NFIA: variants seen among roughly 807,000 people sequenced by gnomAD.
NFIA encodes nuclear factor 1 A-type.
A neutral mutation model predicts 62.8 loss-of-function variants in NFIA; 8 were observed. The ratio of observed to expected loss-of-function variants is 0.13; its 90% CI spans 0.07 to 0.23. NFIA has a LOEUF of 0.23. NFIA is among the 10% of genes least tolerant of loss of function. NFIA has a pLI of 1.00. For synonymous variants in NFIA, 235 were observed against 238.1 expected (o/e 0.99, Z 0.12); for missense variants, 410 against 642.1 (o/e 0.64, Z 3.91).
At chr1:61,182,666 C>T (rs573831558) in intron 2 of NFIA, among the ~76,000 whole-genome samples, 1 of 152,152 alleles carries the variant, frequency 6.6e-6, no homozygotes, top group East Asian at 1.9e-4. Context: ...CTTGCTTTAC[C>T]TAAGTTATTG....
intron 2 of NFIA, among the ~76,000 whole-genome samples, chr1:61,262,524 A>G (rs960312393): frequency 1.3e-5 from 2 of 152,248 alleles, no homozygotes; most frequent in Non-Finnish European, 2.9e-5. Flanking sequence ...GGAAGAATGT[A>G]TATCTACAAT....
chr1:61,372,466 A>T lies in NFIA; in HGVS notation c.947-10771A>T, dbSNP rs148767474. ...GAAACAGCCTGCTAATCCCTCTTAG[A>T]TAAGTATTTAACATAATTAGACAGA... On this transcript the variant is annotated intron_variant, in intron 6 of 10. Transcript: ENST00000403491. Among the ~76,000 whole-genome samples the T allele has an allele frequency of 4.4e-3, 665 of 152,162 alleles. 17 individuals are homozygous for T. The highest frequency in any genetic ancestry group is 0.04 in the Admixed American group (617 of 15,264).
At chr1:61,152,316 G>C (rs1048478932) in intron 2 of NFIA, among the ~76,000 whole-genome samples, 1 of 152,104 alleles carries the variant, frequency 6.6e-6, no homozygotes, top group Non-Finnish European at 1.5e-5. Context: ...ATCATTCACT[G>C]CCTGAAATCC....
intron 2 of NFIA, among the ~76,000 whole-genome samples, chr1:61,232,967 A>T (rs553793065): frequency 2.6e-5 from 4 of 151,586 alleles, no homozygotes; most frequent in Non-Finnish European, 5.9e-5. Flanking sequence ...GGTTTGTTCT[A>T]TTTTTTTCTC....
intron 3 of NFIA, among the ~76,000 whole-genome samples, chr1:61,313,912 A>G (rs985300162): frequency 4.6e-5 from 7 of 152,198 alleles, no homozygotes; most frequent in Admixed American, 2.0e-4. Flanking sequence ...TGTCTGTGTG[A>G]CCTTAGACTG....
At chr1:61,133,999 G>A (rs1647129977) in intron 2 of NFIA, among the ~76,000 whole-genome samples, 1 of 152,166 alleles carries the variant, frequency 6.6e-6, no homozygotes, top group Admixed American at 6.5e-5. Flanking sequence ...GGTGGTGCAT[G>A]CCTGTAATCC....
intron 3 of NFIA, among the ~76,000 whole-genome samples, chr1:61,281,560 G>C (rs980626287): frequency 2.0e-5 from 3 of 152,148 alleles, no homozygotes; most frequent in African/African-American, 7.2e-5. Context: ...TCCCCATGGT[G>C]CCACGTCTGT....
At chr1:61,360,209 A>G (rs1663209040) in intron 6 of NFIA, among the ~76,000 whole-genome samples, 1 of 152,210 alleles carries the variant, frequency 6.6e-6, no homozygotes, top group Non-Finnish European at 1.5e-5. Context: ...CTTGGGAGTA[A>G]TATGGATAAG....
chr1:61,135,310 G>A (rs1398161038), intron 2 of NFIA, among the ~76,000 whole-genome samples: 4 of 152,198 alleles, frequency 2.6e-5, no homozygotes, highest in African/African-American at 4.8e-5. Context: ...TTGCAAGGTC[G>A]TGCTACTGGG....
intron 2 of NFIA, among the ~76,000 whole-genome samples, chr1:61,099,801 A>G (rs1260821911): frequency 6.6e-6 from 1 of 152,174 alleles, no homozygotes; most frequent in Non-Finnish European, 1.5e-5. Flanking sequence ...TATTTAAATT[A>G]TCTTTTCTTA....
intron 7 of NFIA, among the ~76,000 whole-genome samples, chr1:61,391,340 C>T (rs1664966542): frequency 6.6e-6 from 1 of 151,836 alleles, no homozygotes; most frequent in Non-Finnish European, 1.5e-5. Flanking sequence ...GGGATTACAA[C>T]AGCAAATAAG....
chr1:61,349,363 A>C (rs1256307297), intron 4 of NFIA, among the ~76,000 whole-genome samples: 1 of 152,108 alleles, frequency 6.6e-6, no homozygotes, highest in Non-Finnish European at 1.5e-5. Flanking sequence ...GTTGTGATTA[A>C]GGTTTATTCA....
intron 6 of NFIA, among the ~76,000 whole-genome samples, chr1:61,370,018 A>G (rs1258778511): frequency 6.6e-6 from 1 of 152,156 alleles, no homozygotes; most frequent in Non-Finnish European, 1.5e-5. Context: ...GTTTGTTAAC[A>G]CTCCAGAATA....
chr1:61,188,203 C>CG (rs1233650152), intron 2 of NFIA, among the ~76,000 whole-genome samples: 1 of 151,938 alleles, frequency 6.6e-6, no homozygotes, highest in African/African-American at 2.4e-5. Context: ...CGCGCCCCCA[C>CG]GCCAGCTAAT....
chr1:61,422,387 G>A (rs762456370), intron 9 of NFIA, among the ~76,000 whole-genome samples: 1 of 152,094 alleles, frequency 6.6e-6, no homozygotes, highest in African/African-American at 2.4e-5. Context: ...GTTTGACCAC[G>A]TTTTCAACAC....
intron 2 of NFIA, among the ~76,000 whole-genome samples, chr1:61,195,393 A>G (rs1296836321): frequency 6.6e-6 from 1 of 152,148 alleles, no homozygotes; most frequent in Non-Finnish European, 1.5e-5. Flanking sequence ...GAAGTCTTTC[A>G]CCTAAACCTT....
chr1:61,132,869 G>T (rs1647105399), intron 2 of NFIA: 1 of 152,190 alleles, frequency 6.6e-6, no homozygotes, highest in African/African-American at 2.4e-5. Context: ...CTCTTGGCAA[G>T]CAACTCCCTA....
In NFIA at chr1:61,082,665, TCC is replaced by T; in HGVS notation, c.-122_-121del. The T allele has an allele frequency of 6.6e-7, 1 of 1,519,580 alleles. No individual in the cohort carries two copies. 94.1% of individuals were successfully genotyped at this position (1,519,580 alleles called of 1,614,324 possible). On this transcript the variant is annotated 5_prime_UTR_variant, in exon 1 of 11. Transcript: ENST00000403491. ...AAGAAGCAGGCTTGATTTTTTTTTC[TCC>T]CCCCTTCTCTCTCTCTCTCTCTCTC... is the stretch of plus-strand genomic sequence containing the variant.
chr1:61,442,986 C>T (rs1233140023), intron 10 of NFIA, among the ~76,000 whole-genome samples: 2 of 152,148 alleles, frequency 1.3e-5, no homozygotes, highest in Non-Finnish European at 2.9e-5. Flanking sequence ...ATTTTTCCAG[C>T]AGAGGGTTTT....
Sources: allele counts gnomAD v4.1 joint callset (sites outside exome capture counted in the v4.1 genomes callset), GRCh38; gene constraint gnomAD v4.1.1; transcripts MANE v1.5; gene names NCBI Gene and HGNC (gene_info 2026-07-23, HGNC 2026-07-21).